Variants in WDFY1 observed in about 807,000 individuals in gnomAD.
WDFY1 encodes WD repeat and FYVE domain-containing protein 1.
A neutral mutation model predicts 56.4 loss-of-function variants in WDFY1; 32 were observed. The ratio of observed to expected loss-of-function variants is 0.57; its 90% CI spans 0.43 to 0.76. The LOEUF is 0.76. Among genes scored for constraint, WDFY1 ranks in the 30% least tolerant of loss-of-function variants. The pLI, the probability that WDFY1 is intolerant of heterozygous loss-of-function variation, is 0.00. For missense variants in WDFY1, 480 were observed against 545.7 expected (o/e 0.88, Z 1.20); for synonymous variants, 192 against 197.3 (o/e 0.97, Z 0.23).
At position 223,927,883 on chromosome 2, in the gene WDFY1, T is replaced by C. The variant is rs1160289677; in HGVS notation, c.138-9873A>G. On this transcript the variant is annotated intron_variant, in intron 1 of 11. Transcript: ENST00000233055. ...TGTAGGGTTATTCACTGGCCTAATT[T>C]CAATATTGTTGTGTCTCAGGGAATA... Among the ~76,000 whole-genome samples the C allele has an allele frequency of 2.6e-5, 4 of 152,050 alleles. No homozygotes were observed. In the Middle Eastern group the frequency reaches 9.5e-3, roughly 361 times the overall value.
rs958117048 is a variant in WDFY1, at chr2:223,877,135, C to T, written c.*1536G>A. ...TACATGATGTGCGTGACCCCCTTTC[C>T]TTTCCTTACGTGTGTCACACAGCCA... On this transcript the variant is annotated 3_prime_UTR_variant, in exon 12 of 12. Transcript: ENST00000233055. The T allele has an allele frequency of 6.6e-6, 1 of 152,146 alleles. No individual in the cohort carries two copies. Among genetic ancestry groups the T allele is most frequent in the African/African-American group, 2.4e-5 (1 of 41,438 alleles). 9.4% of individuals were successfully genotyped at this position (152,146 alleles called of 1,614,324 possible).
At chr2:223,899,256 A>G in intron 5 of WDFY1, 186 bp from the exon 6 acceptor site, 1 of 517,616 alleles carries the variant, frequency 1.9e-6, no homozygotes, top group Non-Finnish European at 3.4e-6. Flanking sequence ...ATATGTAAAT[A>G]TTGAAGGTAA....
intron 8 of WDFY1, among the ~76,000 whole-genome samples, chr2:223,890,534 A>G (rs1693251611): frequency 6.6e-6 from 1 of 152,212 alleles, no homozygotes; most frequent in South Asian, 2.1e-4. Context: ...TTCACTTAAT[A>G]CTCAGAATAT....
At chr2:223,912,842 A>G (rs1158828370) in intron 2 of WDFY1, among the ~76,000 whole-genome samples, 1 of 152,110 alleles carries the variant, frequency 6.6e-6, no homozygotes, top group African/African-American at 2.4e-5. Flanking sequence ...TCCATGTTCT[A>G]CCCTACCCTC....
rs386392765 is a variant in WDFY1 at position 223,880,765 on chromosome 2, A to ATTTT, written c.1065-537_1065-534dup. Among the ~76,000 whole-genome samples the ATTTT allele has an allele frequency of 3.6e-3, 543 of 149,616 alleles. 5 individuals are homozygous for ATTTT. Among genetic ancestry groups the ATTTT allele is most frequent in the African/African-American group, 0.012 (510 of 40,946 alleles). ...TTTTATAAAATTCCCAAAATAACTG[A>ATTTT]TTTTTTTTTTTTACTGGAAAGGCTG... On this transcript the variant is annotated intron_variant, in intron 10 of 11. Coordinates refer to ENST00000233055, the MANE Select transcript of WDFY1 (RefSeq NM_020830.5).
chr2:223,909,197 C>T (rs1230735600), intron 3 of WDFY1, among the ~76,000 whole-genome samples: 5 of 152,148 alleles, frequency 3.3e-5, no homozygotes, highest in African/African-American at 7.2e-5. Flanking sequence ...CTAGTGATTC[C>T]GAAGCTCTAG....
rs1396561045 is a variant in WDFY1 at position 223,905,936 on chromosome 2, A to G, written c.334+11T>C. 1 of 1,548,438 alleles carries G rather than the reference A, an allele frequency of 6.5e-7. No homozygotes were observed. Reference sequence around the variant, plus strand: ...TGTATGTGTACGCAAGATAATGTGTATTATAATTACCTGGGTAGGTCTTGA... The same window carrying G: ...TGTATGTGTACGCAAGATAATGTGTGTTATAATTACCTGGGTAGGTCTTGA... On this transcript the variant is annotated intron_variant, in intron 4 of 11. Transcript: ENST00000233055.
In WDFY1 at chr2:223,884,753, G is replaced by A; in HGVS notation, c.832-4C>T. The A allele has an allele frequency of 6.2e-7, 1 of 1,613,894 alleles. No homozygotes were observed. Among genetic ancestry groups the A allele is most frequent in the Non-Finnish European group, 8.5e-7 (1 of 1,179,872 alleles). On this transcript the variant is annotated splice_region_variant and splice_polypyrimidine_tract_variant and intron_variant, in intron 8 of 11. Transcript: ENST00000233055. ...CACTTTCCAACCACTGAGGAGCCTG[G>A]GGGAGCAGAAAGTCAAAGCCACCAT...
In WDFY1 at chr2:223,897,390, A is replaced by ATTTTTTTT. The variant is rs1553536123; in HGVS notation, c.598+1567_598+1568insAAAAAAAA. On this transcript the variant is annotated intron_variant, in intron 6 of 11. Transcript: ENST00000233055. ...TATATATATATATATATATATATAT[A>ATTTTTTTT]TTTTTTAAGACGGAGTCTCTCTCTG... Among the ~76,000 whole-genome samples the ATTTTTTTT allele has an allele frequency of 5.1e-4, 64 of 125,984 alleles. 1 individual carries two copies. The highest frequency in any genetic ancestry group is 6.9e-4 in the Non-Finnish European group (43 of 62,034). The allele number at this position is 125,984 out of a possible 152,430, so 82.7% of individuals were successfully genotyped here.
intron 1 of WDFY1, among the ~76,000 whole-genome samples, chr2:223,944,877 T>G (rs1689381121): frequency 8.0e-6 from 1 of 125,326 alleles, no homozygotes; most frequent in Non-Finnish European, 1.7e-5. Flanking sequence ...TGAGACGGAG[T>G]TCCCGGGCTG....
chr2:223,912,147 G>A lies in WDFY1; in HGVS notation c.279+106C>T, dbSNP rs116754135. On this transcript the variant is annotated intron_variant, in intron 3 of 11. Transcript: ENST00000233055. ...AACATTTTTCATGCCAAACAATCGA[G>A]CATCCATTGTTAATCCAAAGTTAAC... 790 of 1,137,346 alleles carry A rather than the reference G, an allele frequency of 6.9e-4. 2 individuals carry two copies. The African/African-American group carries it at 0.012, about 17-fold the overall frequency. 70.5% of individuals were successfully genotyped at this position (1,137,346 alleles called of 1,614,324 possible).
At position 223,885,334 on chromosome 2, in the gene WDFY1, G is replaced by A. The variant is rs139576001; in HGVS notation, c.832-585C>T. Among the ~76,000 whole-genome samples, 1,464 of 152,174 alleles carry A rather than the reference G, an allele frequency of 9.6e-3. 18 individuals are homozygous for A. The highest frequency in any genetic ancestry group is 0.027 in the Middle Eastern group (8 of 294). ...GCCTCCCGAATAGCTGGGACCACAGGTGAGTGTCACCATGCCCAGCTAATT... is the reference window on the plus strand; with the variant it reads ...GCCTCCCGAATAGCTGGGACCACAGATGAGTGTCACCATGCCCAGCTAATT... On this transcript the variant is annotated intron_variant, in intron 8 of 11. Coordinates refer to ENST00000233055, the MANE Select transcript of WDFY1 (RefSeq NM_020830.5).
intron 6 of WDFY1, among the ~76,000 whole-genome samples, chr2:223,896,183 A>AAAAAAAAAAAAAT (rs1693372954): frequency 1.5e-5 from 2 of 137,320 alleles, no homozygotes; most frequent in Non-Finnish European, 3.2e-5. Flanking sequence ...AAAAAAAAAA[A>AAAAAAAAAAAAAT]CTGCTTGTAA....
intron 4 of WDFY1, among the ~76,000 whole-genome samples, chr2:223,905,158 G>A (rs1693575333): frequency 6.6e-6 from 1 of 152,220 alleles, no homozygotes; most frequent in Non-Finnish European, 1.5e-5. Context: ...CAGCCATGTT[G>A]TGAAGACTTC....
chr2:223,915,258 C>T (rs1252398405), intron 2 of WDFY1, among the ~76,000 whole-genome samples: 1 of 152,224 alleles, frequency 6.6e-6, no homozygotes, highest in Non-Finnish European at 1.5e-5. Context: ...GTGTCGACCA[C>T]CCACTGCGAA....
At chr2:223,901,613 T>C (rs1170276694) in intron 4 of WDFY1, among the ~76,000 whole-genome samples, 1 of 150,700 alleles carries the variant, frequency 6.6e-6, no homozygotes, top group African/African-American at 2.4e-5. Context: ...AATCAAATAA[T>C]AGATTAGAGA....
chr2:223,932,565 C>T (rs1029637028), intron 1 of WDFY1, among the ~76,000 whole-genome samples: 2 of 152,096 alleles, frequency 1.3e-5, no homozygotes, highest in African/African-American at 4.8e-5. Context: ...TTCTCAAAAA[C>T]ACACCCTAAT....
intron 1 of WDFY1, among the ~76,000 whole-genome samples, chr2:223,935,648 C>T (rs986604107): frequency 1.3e-5 from 2 of 152,180 alleles, no homozygotes; most frequent in African/African-American, 4.8e-5. Flanking sequence ...CAACCAGTAG[C>T]TAGTTATGCA....
At chr2:223,945,067 A>G in intron 1 of WDFY1, 81 bp downstream of exon 1, 2 of 1,445,014 alleles carry the variant, frequency 1.4e-6, no homozygotes, top group South Asian at 1.4e-5. Flanking sequence ...TCACGCAGGA[A>G]GGACCGGGGC....
Sources: allele counts gnomAD v4.1 joint callset (sites outside exome capture counted in the v4.1 genomes callset), GRCh38; gene constraint gnomAD v4.1.1; transcripts MANE v1.5; gene names NCBI Gene and HGNC (gene_info 2026-07-23, HGNC 2026-07-21).